The following PRR5L variants were observed in gnomAD, a reference collection of about 807,000 sequenced individuals.
PRR5L encodes proline rich 5 like.
A neutral mutation model predicts 36.4 loss-of-function variants in PRR5L; 21 were observed. That is an observed-to-expected ratio of 0.58 (90% CI 0.41 to 0.83). The LOEUF (loss-of-function observed/expected upper bound fraction) is 0.83, where lower values mean the gene tolerates loss of function less well. Among genes scored for constraint, PRR5L ranks in the 40% least tolerant of loss-of-function variants. The pLI is 0.00. For synonymous variants in PRR5L, 188 were observed against 197.0 expected (o/e 0.95, Z 0.38); for missense variants, 381 against 473.3 (o/e 0.80, Z 1.81).
rs148553507 is a variant in PRR5L, at chr11:36,424,757, G to A, written c.294+5454G>A. Reference sequence around the variant, plus strand: ...CCCCGAACCAGGAGCTTCAGTATCAGCTGGGAATCTGTTAGAGAAGCAAAG... The same window carrying A: ...CCCCGAACCAGGAGCTTCAGTATCAACTGGGAATCTGTTAGAGAAGCAAAG... On this transcript the variant is annotated intron_variant, in intron 4 of 8. Coordinates refer to ENST00000530639, the MANE Select transcript of PRR5L (RefSeq NM_001160167.2). Among the ~76,000 whole-genome samples, 156 of 152,276 alleles carry A rather than the reference G, an allele frequency of 1.0e-3. 2 individuals are homozygous for A. The East Asian group carries it at 0.023, about 22-fold the overall frequency.
At chr11:36,418,156 A>G (rs1858186775) in intron 3 of PRR5L, among the ~76,000 whole-genome samples, 1 of 152,228 alleles carries the variant, frequency 6.6e-6, no homozygotes, top group Admixed American at 6.5e-5. Context: ...TGTCTGTCTC[A>G]TTCACCTTTG....
chr11:36,414,632 G>C lies in PRR5L; in HGVS notation c.246-4623G>C, dbSNP rs1227212353. Among the ~76,000 whole-genome samples, 3 of 140,986 alleles carry C rather than the reference G, an allele frequency of 2.1e-5. No individual in the cohort carries two copies. The East Asian group carries it at 6.3e-4, about 30-fold the overall frequency. 92.5% of individuals were successfully genotyped at this position (140,986 alleles called of 152,430 possible). On this transcript the variant is annotated intron_variant, in intron 3 of 8. Transcript: ENST00000530639. The stretch of plus-strand genomic sequence containing the variant: ...TATTAGCCCTTTGTCAGATGAGTAG[G>C]TTGTGAAAATTTTCTCCCATTTTGT...
intron 1 of PRR5L, among the ~76,000 whole-genome samples, chr11:36,317,963 A>C (rs1008294741): frequency 6.6e-6 from 1 of 152,226 alleles, no homozygotes; most frequent in African/African-American, 2.4e-5. Flanking sequence ...TTTAATATAC[A>C]GTCATATACC....
chr11:36,348,879 A>G (rs893189898), intron 1 of PRR5L, among the ~76,000 whole-genome samples: 7 of 152,190 alleles, frequency 4.6e-5, no homozygotes, highest in African/African-American at 1.7e-4. Flanking sequence ...CCACTCACGT[A>G]TAGTAAAAGA....
chr11:36,354,656 G>A (rs926122774), intron 1 of PRR5L, among the ~76,000 whole-genome samples: 1 of 152,180 alleles, frequency 6.6e-6, no homozygotes, highest in Non-Finnish European at 1.5e-5. Context: ...AATGCTACAT[G>A]TGCCTTTGAA....
chr11:36,316,970 A>T (rs1856564137), intron 1 of PRR5L, among the ~76,000 whole-genome samples: 1 of 152,170 alleles, frequency 6.6e-6, no homozygotes, highest in Non-Finnish European at 1.5e-5. Flanking sequence ...GATGGAGTCA[A>T]TTAGGTCTGA....
intron 3 of PRR5L, among the ~76,000 whole-genome samples, chr11:36,406,797 C>A (rs552616729): frequency 1.6e-4 from 24 of 152,280 alleles, no homozygotes; most frequent in African/African-American, 5.8e-4. Flanking sequence ...GCCCATTTTT[C>A]AGTTGTGACA....
chr11:36,415,782 G>C (rs1858129568), intron 3 of PRR5L, among the ~76,000 whole-genome samples: 1 of 151,818 alleles, frequency 6.6e-6, no homozygotes, highest in East Asian at 1.9e-4. Context: ...TAAATAAAAT[G>C]CATATGTGTT....
At chr11:36,350,811 T>A in intron 1 of PRR5L, among the ~76,000 whole-genome samples, 1 of 149,580 alleles carries the variant, frequency 6.7e-6, no homozygotes, top group African/African-American at 2.5e-5. Context: ...ATTCTTGAGT[T>A]ACTTCATTTA....
intron 8 of PRR5L, among the ~76,000 whole-genome samples, chr11:36,461,051 C>A (rs1859168190): frequency 6.6e-6 from 1 of 152,198 alleles, no homozygotes; most frequent in South Asian, 2.1e-4. Context: ...GCTCATCCTT[C>A]CCTTAAGGTA....
chr11:36,440,158 A>G (rs1251825415), intron 6 of PRR5L, among the ~76,000 whole-genome samples: 4 of 152,106 alleles, frequency 2.6e-5, no homozygotes, highest in Admixed American at 2.6e-4. Context: ...GCTTGCATCA[A>G]AGGCCAGATT....
intron 1 of PRR5L, among the ~76,000 whole-genome samples, chr11:36,350,882 C>T (rs112013938): frequency 0.15 from 15,069 of 100,706 alleles, 2,339 homozygotes; most frequent in Non-Finnish European, 0.22. Flanking sequence ...TCCCTTTTTA[C>T]GGCTGAGTAG....
At chr11:36,404,821 G>C (rs180726909) in intron 3 of PRR5L, among the ~76,000 whole-genome samples, 14 of 152,150 alleles carry the variant, frequency 9.2e-5, no homozygotes, top group Admixed American at 9.2e-4. Context: ...ACATAAATAT[G>C]GAAAAAGACA....
intron 1 of PRR5L, among the ~76,000 whole-genome samples, chr11:36,360,685 G>T (rs1345820787): frequency 6.6e-6 from 1 of 152,206 alleles, no homozygotes; most frequent in East Asian, 1.9e-4. Flanking sequence ...GAATAAGAGG[G>T]TAAGGTTTTA....
intron 8 of PRR5L, among the ~76,000 whole-genome samples, chr11:36,456,526 G>T (rs143124302): frequency 2.0e-5 from 3 of 152,218 alleles, no homozygotes; most frequent in African/African-American, 7.2e-5. Flanking sequence ...CCAGGGTGCT[G>T]TCGTCTCTAT....
rs753362789 is a variant in PRR5L, at chr11:36,296,345, T to C, written c.-219T>C. ...CCAGGCCCAGAGATCTCTGCGCCCG[T>C]TGGAACATCCCCTTCTCGGGAGGCT... On this transcript the variant is annotated 5_prime_UTR_variant, in exon 1 of 9. Transcript: ENST00000530639. 6.6e-6 allele frequency: 1 copy of C among 152,102 alleles called. No individual in the cohort carries two copies. The highest frequency in any genetic ancestry group is 1.5e-5 in the Non-Finnish European group (1 of 68,038). 9.4% of individuals were successfully genotyped at this position (152,102 alleles called of 1,614,324 possible). A position where few individuals can be genotyped will look rare whatever the true frequency, so the allele number is the denominator to read the frequency against.
chr11:36,406,005 G>T (rs574567790), intron 3 of PRR5L, among the ~76,000 whole-genome samples: 2 of 152,228 alleles, frequency 1.3e-5, no homozygotes, highest in African/African-American at 4.8e-5. Flanking sequence ...TATAAATTTT[G>T]GGGGGACTCA....
rs149371852 is a variant in PRR5L, at chr11:36,311,386, T to A, written c.-126+14948T>A. On this transcript the variant is annotated intron_variant, in intron 1 of 8. Transcript: ENST00000530639. ...CAGGGGAGCAAATGTCTTGGTAGAGTGGGCTATTGCTTGGCTCCTAATGGG... is the reference window on the plus strand; with the variant it reads ...CAGGGGAGCAAATGTCTTGGTAGAGAGGGCTATTGCTTGGCTCCTAATGGG... Among the ~76,000 whole-genome samples the A allele has an allele frequency of 5.3e-5, 8 of 152,152 alleles. No individual in the cohort carries two copies. In the East Asian group the frequency reaches 1.5e-3, roughly 29 times the overall value.
At chr11:36,445,032 C>T (rs1362883864) in intron 6 of PRR5L, among the ~76,000 whole-genome samples, 3 of 152,186 alleles carry the variant, frequency 2.0e-5, no homozygotes, top group Non-Finnish European at 2.9e-5. Flanking sequence ...ATTTAAAGCA[C>T]CCAACATAAT....
Sources: allele counts gnomAD v4.1 joint callset (sites outside exome capture counted in the v4.1 genomes callset), GRCh38; gene constraint gnomAD v4.1.1; transcripts MANE v1.5; gene names NCBI Gene and HGNC (gene_info 2026-07-23, HGNC 2026-07-21).